Variants in USP13 observed in about 807,000 individuals in gnomAD.
The protein encoded by USP13 is ubiquitin carboxyl-terminal hydrolase 13.
A neutral mutation model predicts 107.8 loss-of-function variants in USP13; 68 were observed. That is an observed-to-expected ratio of 0.63 (90% CI 0.52 to 0.77). The LOEUF is 0.77. USP13 is among the 30% of genes least tolerant of loss of function. The pLI is 0.00. For synonymous variants in USP13, 377 were observed against 389.5 expected (o/e 0.97, Z 0.38); for missense variants, 945 against 1,093.3 (o/e 0.86, Z 1.91).
At chr3:179,735,475 G>A (rs1040064902) in intron 10 of USP13, among the ~76,000 whole-genome samples, 12 of 151,556 alleles carry the variant, frequency 7.9e-5, no homozygotes, top group African/African-American at 1.9e-4. Flanking sequence ...AAAGTAGAGA[G>A]CAAAGTATAA....
At chr3:179,770,932 A>G (rs961691715) in intron 19 of USP13, among the ~76,000 whole-genome samples, 1 of 152,198 alleles carries the variant, frequency 6.6e-6, no homozygotes, top group Non-Finnish European at 1.5e-5. Flanking sequence ...ATTAAAGAGT[A>G]GGGGTAATTG....
chr3:179,698,760 T>C (rs1553790329), intron 3 of USP13, among the ~76,000 whole-genome samples: 1 of 152,174 alleles, frequency 6.6e-6, no homozygotes, highest in Non-Finnish European at 1.5e-5. Flanking sequence ...ATAAAGTCTT[T>C]ACAGTGAAGA....
chr3:179,721,407 G>C lies in USP13; in HGVS notation c.906G>C (p.Glu302Asp), dbSNP rs757214808. ...CTTCGATGACTTTGTCTCAGACAGA[G>C]AATGGGCTCCAGGACAATGACATCA... ...GIDMLHMHGT[E>D]NGLQDNDIKL... The change falls in exon 8 of 21, where the codon GAG becomes GAC. Residue 302 changes from glutamate to aspartate, a missense_variant. Physicochemically the swap from Glu to Asp is conservative, Grantham distance 45. Coordinates refer to ENST00000263966, the MANE Select transcript of USP13 (RefSeq NM_003940.3). This position sits in a 1 kb window ranked among gnomAD's most constrained non-coding sequence, Gnocchi z 4.3. 1 of 1,613,476 alleles carries C rather than the reference G, an allele frequency of 6.2e-7. No homozygotes were observed. The highest frequency in any genetic ancestry group is 1.3e-5 in the African/African-American group (1 of 75,030).
chr3:179,699,742 A>AT (rs370149116), intron 3 of USP13, among the ~76,000 whole-genome samples: 9,525 of 132,072 alleles, frequency 0.072, 389 homozygotes, highest in Non-Finnish European at 0.092. Context: ...GCTGTATCTT[A>AT]TTTATTTTAT....
At position 179,754,333 on chromosome 3, in the gene USP13, G is replaced by A. The variant is rs76690709; in HGVS notation, c.1799-399G>A. On this transcript the variant is annotated intron_variant, in intron 14 of 20. Coordinates refer to ENST00000263966, the MANE Select transcript of USP13 (RefSeq NM_003940.3). ...GCTCCCGATGGTTGTTACCATATGA[G>A]AATGTGCTACAGCTTTATGCTTTTC... 2.4e-4 allele frequency among the ~76,000 whole-genome samples: 37 copies of A among 152,334 alleles called. 1 individual carries two copies. The East Asian group carries it at 6.5e-3, about 27-fold the overall frequency.
chr3:179,676,906 T>C (rs1447398480), intron 1 of USP13, among the ~76,000 whole-genome samples: 1 of 152,128 alleles, frequency 6.6e-6, no homozygotes, highest in Non-Finnish European at 1.5e-5. Flanking sequence ...TTGCGCAGGC[T>C]GGCGTGCAGT....
At chr3:179,766,430 T>C (rs1171553516) in intron 19 of USP13, among the ~76,000 whole-genome samples, 1 of 152,192 alleles carries the variant, frequency 6.6e-6, no homozygotes, top group Non-Finnish European at 1.5e-5. Flanking sequence ...GTAAAATTTC[T>C]TCATGGACCA....
At chr3:179,762,568 G>A (rs1306199839) in intron 17 of USP13, among the ~76,000 whole-genome samples, 1 of 152,194 alleles carries the variant, frequency 6.6e-6, no homozygotes, top group East Asian at 1.9e-4. Flanking sequence ...GCAACAGAGT[G>A]AGACTCCATC....
chr3:179,660,194 C>T lies in USP13; in HGVS notation c.168+6801C>T, dbSNP rs115068100. ...GCATTGTTGTGTAACTATCACTATG[C>T]ATTGTTGTGTGAATATCACTACTGT... is the stretch of plus-strand genomic sequence containing the variant. On this transcript the variant is annotated intron_variant, in intron 1 of 20. Transcript: ENST00000263966. Among the ~76,000 whole-genome samples, 278 of 152,310 alleles carry T rather than the reference C, an allele frequency of 1.8e-3. 1 individual carries two copies. Among genetic ancestry groups the T allele is most frequent in the Non-Finnish European group, 3.2e-3 (215 of 68,030 alleles).
Position 179,653,503 on chromosome 3 carries a change from G to T in USP13, c.168+110G>T, listed in dbSNP as rs950538623. 38 of 1,425,998 alleles carry T rather than the reference G, an allele frequency of 2.7e-5. No homozygotes were observed. Among genetic ancestry groups the T allele is most frequent in the Non-Finnish European group, 3.3e-5 (35 of 1,063,386 alleles). The allele number at this position is 1,425,998 out of a possible 1,614,324, so 88.3% of individuals were successfully genotyped here. On this transcript the variant is annotated intron_variant, in intron 1 of 20. Transcript: ENST00000263966. This position sits in a 1 kb window ranked among gnomAD's most constrained non-coding sequence, Gnocchi z 4.0. ...GGGACCTCTTCTCTTCCTCCGGGCG[G>T]CAGAGTTGGCTCAGGAACACTGCAG... is the stretch of plus-strand genomic sequence containing the variant.
chr3:179,751,504 TGTGGAA>T (rs1361404761), intron 13 of USP13, among the ~76,000 whole-genome samples: 1 of 152,130 alleles, frequency 6.6e-6, no homozygotes, highest in African/African-American at 2.4e-5. Context: ...AGTGACTCTG[TGTGGAA>T]GTGGAAGTGG....
intron 6 of USP13, among the ~76,000 whole-genome samples, chr3:179,717,440 T>G (rs1576948240): frequency 6.6e-6 from 1 of 152,202 alleles, no homozygotes; most frequent in African/African-American, 2.4e-5. Context: ...TGGCTGGAGG[T>G]ATGAAATATG....
chr3:179,772,981 C>A (rs1411857067), intron 19 of USP13, among the ~76,000 whole-genome samples: 1 of 152,136 alleles, frequency 6.6e-6, no homozygotes, highest in Non-Finnish European at 1.5e-5. Context: ...TGTTTTTTCT[C>A]AGAGAGGGCA....
chr3:179,653,041 GT>G lies in USP13; in HGVS notation c.-184del. On this transcript the variant is annotated 5_prime_UTR_variant, in exon 1 of 21. Coordinates refer to ENST00000263966, the MANE Select transcript of USP13 (RefSeq NM_003940.3). The surrounding 1 kb of genome is among the most constrained non-coding windows in gnomAD (Gnocchi z 4.0). ...CATTGGATTAAAAATAGCGTCGCCA[GT>G]CCGCCCCAAGCCCGCGGTGCCCGCT... The G allele has an allele frequency of 1.4e-5, 4 of 295,780 alleles. No homozygotes were observed. Among genetic ancestry groups the G allele is most frequent in the Non-Finnish European group, 2.0e-5 (4 of 199,924 alleles). The allele number at this position is 295,780 out of a possible 1,614,324, so 18.3% of individuals were successfully genotyped here. A position where few individuals can be genotyped will look rare whatever the true frequency, so the allele number is the denominator to read the frequency against.
chr3:179,748,455 CT>C (rs1477531787), intron 13 of USP13, among the ~76,000 whole-genome samples: 1 of 152,054 alleles, frequency 6.6e-6, no homozygotes, highest in African/African-American at 2.4e-5. Context: ...TTGGGTTTTT[CT>C]TTTGTTACAC....
intron 11 of USP13, among the ~76,000 whole-genome samples, chr3:179,741,277 A>C (rs1202440052): frequency 6.6e-6 from 1 of 152,072 alleles, no homozygotes; most frequent in Non-Finnish European, 1.5e-5. Flanking sequence ...GTGCAGTGGC[A>C]CGATCTTGGC....
chr3:179,690,428 A>C, intron 3 of USP13, 127 bp downstream of exon 3: 1 of 811,610 alleles, frequency 1.2e-6, no homozygotes, highest in Non-Finnish European at 1.9e-6. Context: ...TGAGAGGCAC[A>C]GATTTAAGGC....
chr3:179,779,734 A>G (rs569497749), intron 19 of USP13, among the ~76,000 whole-genome samples: 7,137 of 151,330 alleles, frequency 0.047, 545 homozygotes, highest in African/African-American at 0.16. Flanking sequence ...AAAAAAAAAA[A>G]AAAGAAAAAG....
intron 3 of USP13, among the ~76,000 whole-genome samples, chr3:179,691,167 T>TA (rs57267808): frequency 1.0e-4 from 14 of 140,122 alleles, no homozygotes; most frequent in African/African-American, 2.4e-4. Context: ...ATCCTGTCTT[T>TA]AAAAAAAAAA....
Sources: gnomAD v4.1 joint callset for allele counts (sites outside exome capture counted in the v4.1 genomes callset) on GRCh38, gnomAD v4.1.1 for gene constraint, Gnocchi (gnomAD v3.1) non-coding constraint, MANE v1.5 for transcripts, NCBI Gene and HGNC (gene_info 2026-07-23, HGNC 2026-07-21) for gene names.